ROBO1: variants seen among roughly 807,000 people sequenced by gnomAD.
ROBO1 encodes roundabout guidance receptor 1, also known as roundabout homolog 1.
Under a neutral mutation model 195.9 loss-of-function variants are expected in ROBO1, and 149 were observed. The ratio of observed to expected loss-of-function variants is 0.76; its 90% CI spans 0.67 to 0.87. The LOEUF (loss-of-function observed/expected upper bound fraction) is 0.87, where lower values mean the gene tolerates loss of function less well. ROBO1 is among the 40% of genes least tolerant of loss of function. ROBO1 has a pLI of 0.00. For synonymous variants in ROBO1, 816 were observed against 733.2 expected (o/e 1.11, Z -1.82); for missense variants, 1,933 against 2,068.3 (o/e 0.93, Z 1.27).
At chr3:79,136,951 A>G (rs1012928712) in intron 2 of ROBO1, among the ~76,000 whole-genome samples, 2 of 152,108 alleles carry the variant, frequency 1.3e-5, no homozygotes, top group African/African-American at 4.8e-5. Flanking sequence ...AGAACATTAG[A>G]GATAATATGT....
chr3:79,543,411 T>A (rs1942149625), intron 2 of ROBO1, among the ~76,000 whole-genome samples: 1 of 152,070 alleles, frequency 6.6e-6, no homozygotes, highest in South Asian at 2.1e-4. Context: ...ATGAAATTAC[T>A]ATGGGGTACC....
At chr3:78,971,747 TTTGTTG>T (rs201474495) in intron 3 of ROBO1, among the ~76,000 whole-genome samples, 3 of 151,476 alleles carry the variant, frequency 2.0e-5, no homozygotes, top group Non-Finnish European at 3.0e-5. Context: ...AAATATTTTT[TTTGTTG>T]TTGTTGTTGT....
intron 1 of ROBO1, among the ~76,000 whole-genome samples, chr3:79,633,873 G>T (rs1479793674): frequency 6.6e-6 from 1 of 152,060 alleles, no homozygotes; most frequent in Non-Finnish European, 1.5e-5. Context: ...CCATCTCTGT[G>T]GTTCAGATAT....
intron 4 of ROBO1, among the ~76,000 whole-genome samples, chr3:78,911,788 T>A (rs1310919370): frequency 6.6e-6 from 1 of 152,020 alleles, no homozygotes; most frequent in African/African-American, 2.4e-5. Flanking sequence ...CAGTTTTCAA[T>A]ATACACAGAA....
At chr3:79,486,048 CAT>C (rs1004361882) in intron 2 of ROBO1, among the ~76,000 whole-genome samples, 11 of 152,164 alleles carry the variant, frequency 7.2e-5, no homozygotes, top group African/African-American at 2.7e-4. Flanking sequence ...CTAATAATCA[CAT>C]GTCCTTGAAA....
chr3:78,951,972 T>C (rs1371686134), intron 3 of ROBO1, among the ~76,000 whole-genome samples: 1 of 151,814 alleles, frequency 6.6e-6, no homozygotes, highest in Admixed American at 6.6e-5. Context: ...TTAAAAGAAT[T>C]ATATATATAA....
intron 4 of ROBO1, among the ~76,000 whole-genome samples, chr3:78,820,049 A>G (rs904069137): frequency 2.0e-5 from 3 of 152,210 alleles, no homozygotes; most frequent in African/African-American, 7.2e-5. Flanking sequence ...AAAAGAGTAC[A>G]ATCGAAAAAG....
intron 2 of ROBO1, among the ~76,000 whole-genome samples, chr3:79,190,218 A>G (rs549794405): frequency 4.0e-5 from 6 of 151,630 alleles, no homozygotes; most frequent in African/African-American, 1.5e-4. Flanking sequence ...AATTCTAGAA[A>G]TGCCTCTCTT....
chr3:79,243,731 C>T (rs1388164443), intron 2 of ROBO1, among the ~76,000 whole-genome samples: 1 of 152,046 alleles, frequency 6.6e-6, no homozygotes, highest in Non-Finnish European at 1.5e-5. Context: ...TGGATATTAG[C>T]CCTTTGTCAG....
chr3:79,581,270 A>T (rs1336023675), intron 2 of ROBO1, among the ~76,000 whole-genome samples: 14 of 152,070 alleles, frequency 9.2e-5, no homozygotes, highest in Admixed American at 9.2e-4. Flanking sequence ...TAGAGGAAAA[A>T]AATTACTTAT....
In ROBO1 at chr3:79,412,874, ATTTTTTTTTTTTT is replaced by A. The variant is rs1167482550; in HGVS notation, c.88+176937_88+176949del. Among the ~76,000 whole-genome samples the A allele has an allele frequency of 2.9e-4, 11 of 38,336 alleles. No individual in the cohort carries two copies. The East Asian group carries it at 3.4e-3, about 12-fold the overall frequency. 25.1% of individuals were successfully genotyped at this position (38,336 alleles called of 152,430 possible). A position where few individuals can be genotyped will look rare whatever the true frequency, so the allele number is the denominator to read the frequency against. ...AATGATTTTATTGCCTCATGAGCTG[ATTTTTTTTTTTTT>A]TTTTTTTTTTTTTTTTTTTTTTAGT... On this transcript the variant is annotated intron_variant, in intron 2 of 30. Transcript: ENST00000464233.
At chr3:79,227,728 G>T (rs1425871530) in intron 2 of ROBO1, among the ~76,000 whole-genome samples, 1 of 151,996 alleles carries the variant, frequency 6.6e-6, no homozygotes, top group Non-Finnish European at 1.5e-5. Context: ...GACCTCACAG[G>T]GTGAATTCTA....
chr3:79,135,228 T>C (rs1014878662), intron 2 of ROBO1, among the ~76,000 whole-genome samples: 2 of 152,184 alleles, frequency 1.3e-5, no homozygotes, highest in African/African-American at 2.4e-5. Flanking sequence ...TGTTGGAAGA[T>C]AGCATATTTT....
chr3:79,458,098 CAG>C (rs2039680865), intron 2 of ROBO1, among the ~76,000 whole-genome samples: 1 of 151,988 alleles, frequency 6.6e-6, no homozygotes, highest in Non-Finnish European at 1.5e-5. Context: ...AGCATCCTCA[CAG>C]ATTATTTCTC....
chr3:79,689,074 G>A (rs12107379), intron 1 of ROBO1, among the ~76,000 whole-genome samples: 86,315 of 151,416 alleles, frequency 0.57, 24,767 homozygotes, highest in South Asian at 0.67. Flanking sequence ...CTGAACACGC[G>A]TTTTTTATAT....
intron 3 of ROBO1, among the ~76,000 whole-genome samples, chr3:78,954,590 T>C (rs1576462328): frequency 6.6e-6 from 1 of 152,114 alleles, no homozygotes; most frequent in African/African-American, 2.4e-5. Flanking sequence ...GGACAATATT[T>C]TTCAATCATG....
intron 2 of ROBO1, among the ~76,000 whole-genome samples, chr3:79,249,425 C>T (rs2082680567): frequency 1.3e-5 from 2 of 152,150 alleles, no homozygotes; most frequent in Admixed American, 1.3e-4. Flanking sequence ...TCACCTATGA[C>T]CCCTCCTTTC....
At chr3:79,213,178 G>C (rs1426368082) in intron 2 of ROBO1, among the ~76,000 whole-genome samples, 1 of 151,924 alleles carries the variant, frequency 6.6e-6, no homozygotes, top group African/African-American at 2.4e-5. Flanking sequence ...CTTGGAGGTG[G>C]AGGTTGCAGT....
chr3:79,234,675 A>G (rs1227620374), intron 2 of ROBO1, among the ~76,000 whole-genome samples: 1 of 152,188 alleles, frequency 6.6e-6, no homozygotes, highest in Non-Finnish European at 1.5e-5. Context: ...TTGCAGCAAC[A>G]TGAATGCAGC....
Sources: allele counts gnomAD v4.1 joint callset (sites outside exome capture counted in the v4.1 genomes callset), GRCh38; gene constraint gnomAD v4.1.1; transcripts MANE v1.5; gene names NCBI Gene and HGNC (gene_info 2026-07-23, HGNC 2026-07-21).